Variants in WDR27 observed in about 807,000 individuals in gnomAD.
WDR27 encodes WD repeat domain 27.
In WDR27, 100 loss-of-function variants were observed where a neutral mutation model predicts 114.4. That is an observed-to-expected ratio of 0.87 (90% CI 0.74 to 1.03). The LOEUF (loss-of-function observed/expected upper bound fraction) is 1.03. WDR27 is among the 50% of genes least tolerant of loss of function. WDR27 has a pLI of 0.00. For missense variants in WDR27, 1,129 were observed against 1,092.9 expected (o/e 1.03, Z -0.47); for synonymous variants, 449 against 423.1 (o/e 1.06, Z -0.75).
At chr6:169,468,578 A>G (rs2115317399) in intron 25 of WDR27, among the ~76,000 whole-genome samples, 1 of 152,318 alleles carries the variant, frequency 6.6e-6, no homozygotes, top group African/African-American at 2.4e-5. Flanking sequence ...GGTCCCTCCC[A>G]TGACACATGG....
chr6:169,502,517 G>A (rs1048943806), intron 25 of WDR27, among the ~76,000 whole-genome samples: 2 of 152,206 alleles, frequency 1.3e-5, no homozygotes, highest in Admixed American at 1.3e-4. Flanking sequence ...ACTGGGCTAA[G>A]ATCAAGTAGC....
At chr6:169,618,565 A>G (rs749794214) in intron 21 of WDR27, among the ~76,000 whole-genome samples, 5 of 150,264 alleles carry the variant, frequency 3.3e-5, no homozygotes, top group African/African-American at 9.7e-5. Context: ...AACAGAATTA[A>G]GATAACTATA....
At chr6:169,575,883 C>A (rs1802247935) in intron 24 of WDR27, among the ~76,000 whole-genome samples, 1 of 152,118 alleles carries the variant, frequency 6.6e-6, no homozygotes, top group South Asian at 2.1e-4. Context: ...TTTTAAGGTT[C>A]AACAATTTCA....
intron 21 of WDR27, among the ~76,000 whole-genome samples, chr6:169,621,987 A>G (rs770005645): frequency 2.6e-5 from 4 of 152,222 alleles, no homozygotes; most frequent in Admixed American, 1.3e-4. Flanking sequence ...TCAAGCTAGG[A>G]ACTGCTTAGG....
intron 22 of WDR27, among the ~76,000 whole-genome samples, chr6:169,610,601 G>A (rs116294868): frequency 0.017 from 2,565 of 152,192 alleles, 64 homozygotes; most frequent in African/African-American, 0.06. Flanking sequence ...TGGGAATTAC[G>A]GGAGTACAAG....
intron 2 of WDR27, among the ~76,000 whole-genome samples, chr6:169,679,032 A>T (rs2128310878): frequency 6.6e-6 from 1 of 152,240 alleles, no homozygotes; most frequent in Non-Finnish European, 1.5e-5. Flanking sequence ...TAACCTGAAC[A>T]TTCCTTTCTA....
chr6:169,457,420 A>T lies in WDR27; in HGVS notation c.*172T>A. On this transcript the variant is annotated 3_prime_UTR_variant, in exon 26 of 26. Transcript: ENST00000448612. ...GAGCAGAAAGACATAAAACTCTGACATGGCACACACAGAGGGGAGGAGCTT... is the reference window on the plus strand; with the variant it reads ...GAGCAGAAAGACATAAAACTCTGACTTGGCACACACAGAGGGGAGGAGCTT... 1 of 522,638 alleles carries T rather than the reference A, an allele frequency of 1.9e-6. No homozygotes were observed. The highest frequency in any genetic ancestry group is 3.2e-5 in the East Asian group (1 of 31,116). The allele number at this position is 522,638 out of a possible 1,614,324, so 32.4% of individuals were successfully genotyped here.
intron 16 of WDR27, among the ~76,000 whole-genome samples, chr6:169,646,747 CAAAAA>C (rs201219275): frequency 1.4e-4 from 11 of 78,566 alleles, no homozygotes; most frequent in Non-Finnish European, 2.7e-4. Context: ...GTCTCTGTCT[CAAAAA>C]AAAAAAAAAA....
rs1009871847 is a variant in WDR27, at chr6:169,527,061, G to A, written c.2645+45358C>T. On this transcript the variant is annotated intron_variant, in intron 25 of 25. Transcript: ENST00000448612. ...ACGGCTAGTGGGAATGTAAAATAAT[G>A]TAGCCACTGGTATAAAGGTTTAGCA... 8.5e-5 allele frequency among the ~76,000 whole-genome samples: 13 copies of A among 152,204 alleles called. 1 individual carries two copies. Among genetic ancestry groups the A allele is most frequent in the Non-Finnish European group, 1.6e-4 (11 of 68,032 alleles).
intron 21 of WDR27, among the ~76,000 whole-genome samples, chr6:169,622,435 G>A (rs1813602972): frequency 6.6e-6 from 1 of 152,176 alleles, no homozygotes; most frequent in Non-Finnish European, 1.5e-5. Flanking sequence ...GAGGAAATGA[G>A]CAGTGGTATA....
chr6:169,696,495 T>C (rs1786030520), intron 1 of WDR27, among the ~76,000 whole-genome samples: 1 of 152,142 alleles, frequency 6.6e-6, no homozygotes, highest in African/African-American at 2.4e-5. Flanking sequence ...TATAAAAAGC[T>C]GTCCGATCAA....
chr6:169,493,690 C>T lies in WDR27; in HGVS notation c.2646-36056G>A, dbSNP rs117303369. On this transcript the variant is annotated intron_variant, in intron 25 of 25. Coordinates refer to ENST00000448612, the MANE Select transcript of WDR27 (RefSeq NM_182552.5). ...GTATTACATATTTGGCGATACTGAA[C>T]CCACATTTTTCTGCACATCAAGAAG... is the stretch of plus-strand genomic sequence containing the variant. Among the ~76,000 whole-genome samples the T allele has an allele frequency of 1.3e-3, 205 of 152,056 alleles. 4 individuals carry two copies. The East Asian group carries it at 0.032, about 24-fold the overall frequency.
intron 14 of WDR27, among the ~76,000 whole-genome samples, chr6:169,649,510 T>A (rs1821689124): frequency 6.6e-6 from 1 of 151,922 alleles, no homozygotes; most frequent in South Asian, 2.1e-4. Context: ...TCCTTTAAAA[T>A]CCTGGAATAG....
chr6:169,550,904 C>CG (rs1376545792), intron 25 of WDR27, among the ~76,000 whole-genome samples: 6 of 152,148 alleles, frequency 3.9e-5, no homozygotes, highest in Non-Finnish European at 8.8e-5. Context: ...TTTGTAGAGA[C>CG]GGGGTCTCAC....
chr6:169,548,333 T>G (rs1797711693), intron 25 of WDR27, among the ~76,000 whole-genome samples: 1 of 152,190 alleles, frequency 6.6e-6, no homozygotes, highest in Non-Finnish European at 1.5e-5. Context: ...AAAATGATTC[T>G]GAAATTTACA....
chr6:169,550,960 C>T (rs905799034), intron 25 of WDR27, among the ~76,000 whole-genome samples: 1 of 152,146 alleles, frequency 6.6e-6, no homozygotes, highest in Admixed American at 6.6e-5. Flanking sequence ...AAGCAATCTG[C>T]CTACCTCGGC....
At chr6:169,430,768 A>G in the WDR27 span, among the ~76,000 whole-genome samples, 2 of 152,128 alleles carry the variant, frequency 1.3e-5, no homozygotes, top group African/African-American at 4.8e-5. Flanking sequence ...AAGAAACGTA[A>G]ATGAATCTTT....
chr6:169,640,831 G>C (rs1298257330), intron 17 of WDR27, among the ~76,000 whole-genome samples: 2 of 152,274 alleles, frequency 1.3e-5, no homozygotes, highest in African/African-American at 4.8e-5. Context: ...CTGGCTGCAA[G>C]AGGCCGCGAG....
At chr6:169,628,668 ACT>A (rs1815499873) in intron 21 of WDR27, among the ~76,000 whole-genome samples, 1 of 151,972 alleles carries the variant, frequency 6.6e-6, no homozygotes, top group South Asian at 2.1e-4. Flanking sequence ...TCCCATCCCT[ACT>A]CTCTGGCAGC....
Sources: gnomAD v4.1 joint callset for allele counts (sites outside exome capture counted in the v4.1 genomes callset) on GRCh38, gnomAD v4.1.1 for gene constraint, MANE v1.5 for transcripts, NCBI Gene and HGNC (gene_info 2026-07-23, HGNC 2026-07-21) for gene names.